The following BMP2K variants were observed in gnomAD, a reference collection of about 807,000 sequenced individuals.
The protein encoded by BMP2K is BMP-2-inducible protein kinase.
Under a neutral mutation model 116.0 loss-of-function variants are expected in BMP2K, and 74 were observed. The ratio of observed to expected loss-of-function variants is 0.64; its 90% CI spans 0.53 to 0.77. The LOEUF (loss-of-function observed/expected upper bound fraction) is 0.77. Ranked by LOEUF, BMP2K falls within the 30% of genes least tolerant of loss-of-function variation. The pLI, the probability that BMP2K is intolerant of heterozygous loss-of-function variation, is 0.00. For synonymous variants in BMP2K, 486 were observed against 502.5 expected (o/e 0.97, Z 0.44); for missense variants, 1,365 against 1,403.6 (o/e 0.97, Z 0.44).
At chr4:78,792,335 T>G (rs1169304101) in intron 1 of BMP2K, among the ~76,000 whole-genome samples, 1 of 152,222 alleles carries the variant, frequency 6.6e-6, no homozygotes, top group East Asian at 1.9e-4. Flanking sequence ...TTTTGCTGCA[T>G]AAGGAAGCAG....
intron 3 of BMP2K, among the ~76,000 whole-genome samples, chr4:78,839,883 GATTAAGGGT>G (rs1680924418): frequency 6.6e-6 from 1 of 152,090 alleles, no homozygotes; most frequent in African/African-American, 2.4e-5. Flanking sequence ...TGCCCACCCA[GATTAAGGGT>G]GGGTCTGCCT....
chr4:78,795,631 C>A (rs1373551094), intron 1 of BMP2K, among the ~76,000 whole-genome samples: 1 of 152,020 alleles, frequency 6.6e-6, no homozygotes, highest in African/African-American at 2.4e-5. Flanking sequence ...ATTTTCGCAA[C>A]CTACTCATCT....
At chr4:78,866,047 A>G (rs1172436385) in intron 10 of BMP2K, among the ~76,000 whole-genome samples, 1 of 152,178 alleles carries the variant, frequency 6.6e-6, no homozygotes, top group South Asian at 2.1e-4. Flanking sequence ...GAAAAAGTCT[A>G]TGTTATATGA....
chr4:78,846,577 A>G (rs991495715), intron 5 of BMP2K, among the ~76,000 whole-genome samples: 2 of 151,624 alleles, frequency 1.3e-5, no homozygotes, highest in South Asian at 4.1e-4. Context: ...GGGGTTTTCT[A>G]TTGGTAAATA....
At chr4:78,793,506 T>C (rs1242426648) in intron 1 of BMP2K, among the ~76,000 whole-genome samples, 2 of 152,018 alleles carry the variant, frequency 1.3e-5, no homozygotes, top group African/African-American at 4.8e-5. Flanking sequence ...TAATTTCTAA[T>C]ATAATATGGA....
chr4:78,787,908 T>C (rs1268392891), intron 1 of BMP2K, among the ~76,000 whole-genome samples: 1 of 152,164 alleles, frequency 6.6e-6, no homozygotes, highest in Non-Finnish European at 1.5e-5. Context: ...TATTTACTTA[T>C]TTTGCTTTAT....
At chr4:78,835,422 G>C (rs1050923337) in intron 3 of BMP2K, among the ~76,000 whole-genome samples, 1 of 151,888 alleles carries the variant, frequency 6.6e-6, no homozygotes, top group Non-Finnish European at 1.5e-5. Context: ...TCAGGAGATC[G>C]AGACCATCCT....
At chr4:78,857,611 A>G (rs900990671) in intron 7 of BMP2K, among the ~76,000 whole-genome samples, 1 of 152,132 alleles carries the variant, frequency 6.6e-6, no homozygotes, top group South Asian at 2.1e-4. Flanking sequence ...AAAGAAGTAC[A>G]TTCTTAAACC....
intron 15 of BMP2K, among the ~76,000 whole-genome samples, chr4:78,895,576 T>A (rs2110085891): frequency 6.6e-6 from 1 of 151,550 alleles, no homozygotes; most frequent in South Asian, 2.1e-4. Flanking sequence ...GGTAATGAAA[T>A]AAAAGTTGAA....
intron 15 of BMP2K, among the ~76,000 whole-genome samples, chr4:78,909,710 A>G (rs1173923714): frequency 2.0e-5 from 3 of 152,142 alleles, no homozygotes; most frequent in Non-Finnish European, 2.9e-5. Flanking sequence ...ACCACTGTCC[A>G]AAGTAGGTTT....
At chr4:78,907,465 G>A (rs1043493612) in intron 15 of BMP2K, among the ~76,000 whole-genome samples, 15 of 152,240 alleles carry the variant, frequency 9.9e-5, no homozygotes, top group African/African-American at 3.4e-4. Context: ...TCTGTCCTAC[G>A]TTAAATGTTC....
chr4:78,787,238 C>A (rs1353023172), intron 1 of BMP2K, among the ~76,000 whole-genome samples: 3 of 152,158 alleles, frequency 2.0e-5, no homozygotes, highest in Non-Finnish European at 2.9e-5. Context: ...AAGGCTGACT[C>A]TGTTTTTGAA....
intron 8 of BMP2K, among the ~76,000 whole-genome samples, 156 bp downstream of exon 8, chr4:78,859,843 G>A (rs908857546): frequency 2.0e-5 from 3 of 151,618 alleles, no homozygotes; most frequent in Non-Finnish European, 3.0e-5. Context: ...GATATTTGTG[G>A]TATAAAGCTT....
chr4:78,789,774 A>G (rs1436288156), intron 1 of BMP2K, among the ~76,000 whole-genome samples: 1 of 152,238 alleles, frequency 6.6e-6, no homozygotes, highest in Non-Finnish European at 1.5e-5. Context: ...TGTGAACTGT[A>G]AAGTATGTAG....
intron 1 of BMP2K, among the ~76,000 whole-genome samples, chr4:78,794,676 C>T (rs1446329489): frequency 3.9e-5 from 6 of 152,112 alleles, no homozygotes; most frequent in Admixed American, 3.9e-4. Context: ...GATCTTCCCA[C>T]CTCTGCTTCC....
chr4:78,869,973 C>T (rs780581548), intron 10 of BMP2K, among the ~76,000 whole-genome samples: 1 of 152,090 alleles, frequency 6.6e-6, no homozygotes, highest in African/African-American at 2.4e-5. Flanking sequence ...CATTCTCTCC[C>T]CACTCTTTTT....
At chr4:78,805,326 A>C (rs1006401997) in intron 1 of BMP2K, among the ~76,000 whole-genome samples, 6 of 152,128 alleles carry the variant, frequency 3.9e-5, no homozygotes, top group African/African-American at 1.4e-4. Context: ...TTTGCAGTAC[A>C]TTTTGAAACT....
intron 2 of BMP2K, among the ~76,000 whole-genome samples, chr4:78,827,775 CA>C (rs1729948700): frequency 6.6e-6 from 1 of 150,770 alleles, no homozygotes; most frequent in South Asian, 2.1e-4. Context: ...CAAAACAAAA[CA>C]AAACAAAACA....
intron 13 of BMP2K, among the ~76,000 whole-genome samples, chr4:78,875,779 A>C (rs375896354): frequency 1.4e-4 from 22 of 152,350 alleles, no homozygotes; most frequent in African/African-American, 4.8e-4. Context: ...CCCCTGCCAC[A>C]TGGATTTCTT....
Sources: gnomAD v4.1 joint callset for allele counts (sites outside exome capture counted in the v4.1 genomes callset) on GRCh38, gnomAD v4.1.1 for gene constraint, MANE v1.5 for transcripts, NCBI Gene and HGNC (gene_info 2026-07-23, HGNC 2026-07-21) for gene names.